The following CYP19A1 variants were observed in gnomAD, a reference collection of about 807,000 sequenced individuals.
CYP19A1 encodes the protein aromatase.
A neutral mutation model predicts 44.4 loss-of-function variants in CYP19A1; 32 were observed. That is an observed-to-expected ratio of 0.72 (90% CI 0.54 to 0.97). The LOEUF is 0.97. Ranked by LOEUF, CYP19A1 falls within the 50% of genes least tolerant of loss-of-function variation. The probability of loss-of-function intolerance (pLI) is 0.00; values close to 1 mark genes in which losing one functional copy is unlikely to be tolerated. For missense variants in CYP19A1, 598 were observed against 637.8 expected, an observed-to-expected ratio of 0.94 and a Z score of 0.67; for synonymous variants, 212 against 215.6, an observed-to-expected ratio of 0.98 and a Z score of 0.14.
intron 1 of CYP19A1, among the ~76,000 whole-genome samples, chr15:51,280,551 C>A (rs2035484583): frequency 6.6e-6 from 1 of 152,128 alleles, no homozygotes; most frequent in Non-Finnish European, 1.5e-5. Context: ...CACTTCCTAC[C>A]TATCAGGAGG....
intron 1 of CYP19A1, among the ~76,000 whole-genome samples, chr15:51,254,283 T>C (rs1202374644): frequency 1.3e-5 from 2 of 152,220 alleles, no homozygotes; most frequent in Non-Finnish European, 2.9e-5. Flanking sequence ...CTAATTTAAC[T>C]TACGTCTCAT....
chr15:51,337,727 G>C (rs1258338339), intron 1 of CYP19A1: 1 of 152,744 alleles, frequency 6.5e-6, no homozygotes, highest in African/African-American at 2.4e-5. Context: ...GGGTTGGAGA[G>C]AGAAGATAGA....
At chr15:51,286,839 C>T (rs1274226664) in intron 1 of CYP19A1, among the ~76,000 whole-genome samples, 1 of 152,166 alleles carries the variant, frequency 6.6e-6, no homozygotes, top group East Asian at 1.9e-4. Context: ...GGCTGAAGTA[C>T]AGGTGAGAAG....
intron 1 of CYP19A1, among the ~76,000 whole-genome samples, chr15:51,272,698 C>A (rs1346118293): frequency 1.3e-5 from 2 of 152,166 alleles, no homozygotes; most frequent in African/African-American, 4.8e-5. Flanking sequence ...TTTGCTAGAG[C>A]CTCCTCTAGA....
intron 1 of CYP19A1, among the ~76,000 whole-genome samples, chr15:51,279,641 C>T (rs1366082484): frequency 6.6e-6 from 1 of 152,198 alleles, no homozygotes; most frequent in Non-Finnish European, 1.5e-5. Context: ...TATACATTTC[C>T]CTTAAAGTCT....
chr15:51,237,448 G>A (rs780402040), intron 2 of CYP19A1, among the ~76,000 whole-genome samples: 4 of 152,108 alleles, frequency 2.6e-5, no homozygotes, highest in African/African-American at 7.2e-5. Context: ...TGAGTGCCCC[G>A]GTTGACACAA....
intron 1 of CYP19A1, among the ~76,000 whole-genome samples, chr15:51,281,421 G>A (rs2035513055): frequency 6.6e-6 from 1 of 152,198 alleles, no homozygotes; most frequent in African/African-American, 2.4e-5. Context: ...CCTTTCAGGG[G>A]CCATGTCCTG....
At chr15:51,259,657 C>A (rs535949664) in intron 1 of CYP19A1, among the ~76,000 whole-genome samples, 2 of 152,190 alleles carry the variant, frequency 1.3e-5, no homozygotes, top group Non-Finnish European at 2.9e-5. Context: ...TTGGAGCTAG[C>A]CTTCCTCAAC....
intron 2 of CYP19A1, among the ~76,000 whole-genome samples, chr15:51,239,584 G>A (rs1045855268): frequency 9.9e-5 from 15 of 151,844 alleles, no homozygotes; most frequent in Admixed American, 9.2e-4. Flanking sequence ...TTTAAAACAA[G>A]GCAAAATTAA....
chr15:51,215,869 C>A, intron 6 of CYP19A1, 52 bp from the exon 7 acceptor site: 2 of 1,608,428 alleles, frequency 1.2e-6, no homozygotes, highest in Non-Finnish European at 1.7e-6. Flanking sequence ...AGACATCTAG[C>A]GAAACAGATT....
chr15:51,268,985 G>T (rs1250123992), intron 1 of CYP19A1, among the ~76,000 whole-genome samples: 1 of 151,906 alleles, frequency 6.6e-6, no homozygotes, highest in African/African-American at 2.4e-5. Flanking sequence ...CTTTATCTTA[G>T]TCTGTGCTCT....
intron 1 of CYP19A1, among the ~76,000 whole-genome samples, chr15:51,247,220 C>T (rs562786358): frequency 5.3e-5 from 8 of 152,226 alleles, no homozygotes; most frequent in South Asian, 2.1e-4. Flanking sequence ...CAGCCTAAAG[C>T]GTTTGCCCTC....
At chr15:51,244,723 G>T (rs2141128835) in intron 1 of CYP19A1, among the ~76,000 whole-genome samples, 1 of 152,256 alleles carries the variant, frequency 6.6e-6, no homozygotes, top group East Asian at 1.9e-4. Context: ...AAAGGATGAA[G>T]ATGTCCCACA....
intron 1 of CYP19A1, among the ~76,000 whole-genome samples, chr15:51,335,827 A>G (rs898863688): frequency 6.6e-6 from 1 of 152,210 alleles, no homozygotes; most frequent in African/African-American, 2.4e-5. Context: ...TCAGCCCTAC[A>G]AGGAAGGTCC....
chr15:51,242,361 T>A, intron 2 of CYP19A1: 1 of 274,932 alleles, frequency 3.6e-6, no homozygotes, highest in Non-Finnish European at 7.0e-6. Flanking sequence ...GGAAACAAAG[T>A]GAAAGGGAGA....
intron 1 of CYP19A1, chr15:51,322,026 G>C (rs1474650345): frequency 6.6e-6 from 1 of 152,070 alleles, no homozygotes; most frequent in Non-Finnish European, 1.5e-5. Context: ...ATCCCCTTCT[G>C]CAAGAGAATG....
intron 1 of CYP19A1, among the ~76,000 whole-genome samples, chr15:51,274,218 A>C (rs1165173046): frequency 1.3e-5 from 2 of 152,196 alleles, no homozygotes; most frequent in African/African-American, 4.8e-5. Context: ...GTCTGTTTGG[A>C]GACAAGGACC....
intron 1 of CYP19A1, among the ~76,000 whole-genome samples, chr15:51,258,960 C>A (rs1360449296): frequency 6.6e-6 from 1 of 152,158 alleles, no homozygotes; most frequent in Non-Finnish European, 1.5e-5. Flanking sequence ...GTGGGAAAGT[C>A]TTAGGAAGCT....
At chr15:51,274,879 A>C (rs538133865) in intron 1 of CYP19A1, among the ~76,000 whole-genome samples, 25 of 152,176 alleles carry the variant, frequency 1.6e-4, no homozygotes, top group Non-Finnish European at 3.1e-4. Context: ...CATAAGCCAG[A>C]GGGGACAGCA....
Sources: allele counts gnomAD v4.1 joint callset (sites outside exome capture counted in the v4.1 genomes callset), GRCh38; gene constraint gnomAD v4.1.1; transcripts MANE v1.5; gene names NCBI Gene and HGNC (gene_info 2026-07-23, HGNC 2026-07-21).